The following DAB1 variants were observed in gnomAD, a reference collection of about 807,000 sequenced individuals.
DAB1 encodes the protein DAB adaptor protein 1.
Under a neutral mutation model 64.6 loss-of-function variants are expected in DAB1, and 15 were observed. That is an observed-to-expected ratio of 0.23 (90% CI 0.16 to 0.36). The LOEUF (loss-of-function observed/expected upper bound fraction) is 0.36. Ranked by LOEUF, DAB1 falls within the 10% of genes least tolerant of loss-of-function variation. The probability of loss-of-function intolerance (pLI) is 1.00; values close to 1 mark genes in which losing one functional copy is unlikely to be tolerated. For synonymous variants in DAB1, 235 were observed against 251.9 expected (o/e 0.93, Z 0.64); for missense variants, 596 against 706.7 (o/e 0.84, Z 1.78).
chr1:58,189,027 T>G (rs572907609), intron 4 of DAB1, among the ~76,000 whole-genome samples: 2 of 152,228 alleles, frequency 1.3e-5, no homozygotes, highest in Non-Finnish European at 2.9e-5. Context: ...GTTGTTTTTT[T>G]ACATGTCCAT....
At chr1:58,361,529 C>T (rs1221199079) in intron 3 of DAB1, among the ~76,000 whole-genome samples, 1 of 150,736 alleles carries the variant, frequency 6.6e-6, no homozygotes, top group Non-Finnish European at 1.5e-5. Context: ...TTTTTTAAAG[C>T]TGAATCTAGC....
At chr1:57,742,135 G>A (rs1225603769) in intron 6 of DAB1, among the ~76,000 whole-genome samples, 1 of 152,014 alleles carries the variant, frequency 6.6e-6, no homozygotes, top group Non-Finnish European at 1.5e-5. Flanking sequence ...TAGCCACTTG[G>A]AATACAAGGA....
At chr1:57,979,593 T>A (rs568284692) in intron 5 of DAB1, among the ~76,000 whole-genome samples, 2 of 152,194 alleles carry the variant, frequency 1.3e-5, no homozygotes, top group Admixed American at 6.5e-5. Flanking sequence ...ATAAATAAAA[T>A]AAAATAAGAA....
intron 1 of DAB1, among the ~76,000 whole-genome samples, chr1:57,361,884 G>C (rs1679580386): frequency 6.6e-6 from 1 of 152,050 alleles, no homozygotes; most frequent in Non-Finnish European, 1.5e-5. Flanking sequence ...CTAAGAGGAA[G>C]ACAAACAGGT....
At chr1:57,105,957 C>T (rs1655099618) in intron 4 of DAB1, among the ~76,000 whole-genome samples, 1 of 152,132 alleles carries the variant, frequency 6.6e-6, no homozygotes, top group African/African-American at 2.4e-5. Flanking sequence ...AGTCTGAATC[C>T]AGGCTTGGAT....
At chr1:58,126,580 A>C (rs1466749804) in intron 5 of DAB1, among the ~76,000 whole-genome samples, 1 of 151,098 alleles carries the variant, frequency 6.6e-6, no homozygotes, top group Non-Finnish European at 1.5e-5. Flanking sequence ...AGCATTAGGT[A>C]TATCTCCTGA....
Position 57,757,088 on chromosome 1 carries a change from T to C in DAB1, n.552-107423A>G, listed in dbSNP as rs1192375334. 2.0e-5 allele frequency among the ~76,000 whole-genome samples: 3 copies of C among 152,088 alleles called. No homozygotes were observed. The East Asian group carries it at 5.8e-4, about 29-fold the overall frequency. On this transcript the variant is annotated intron_variant and non_coding_transcript_variant, in intron 6 of 20. Coordinates refer to the DAB1 transcript ENST00000485760. ...CAAACTTTTAAGTGCTTAAGAATCA[T>C]CTGGGAATCTTGTAAAAATGCAGAT...
At chr1:57,183,999 A>G (rs752500486) in intron 2 of DAB1, among the ~76,000 whole-genome samples, 22 of 152,092 alleles carry the variant, frequency 1.4e-4, no homozygotes, top group Non-Finnish European at 3.1e-4. Flanking sequence ...TAACAGATCA[A>G]TTTTTCTAAC....
intron 6 of DAB1, among the ~76,000 whole-genome samples, chr1:57,779,414 G>A (rs960123783): frequency 3.3e-5 from 5 of 152,134 alleles, no homozygotes; most frequent in African/African-American, 1.2e-4. Context: ...ATTCTCAAGA[G>A]CTGCAGAGGC....
At chr1:57,195,206 T>C (rs146143381) in intron 2 of DAB1, among the ~76,000 whole-genome samples, 3 of 152,282 alleles carry the variant, frequency 2.0e-5, no homozygotes, top group African/African-American at 7.2e-5. Flanking sequence ...TTATGGAATC[T>C]AGTAGAAGTC....
At chr1:58,214,261 C>T (rs887567077) in intron 4 of DAB1, among the ~76,000 whole-genome samples, 1 of 152,164 alleles carries the variant, frequency 6.6e-6, no homozygotes, top group Non-Finnish European at 1.5e-5. Context: ...TTCATGAAGC[C>T]TCTGAACTAG....
At chr1:57,415,722 A>C (rs60825740) in intron 1 of DAB1, among the ~76,000 whole-genome samples, 1 of 152,186 alleles carries the variant, frequency 6.6e-6, no homozygotes, top group Non-Finnish European at 1.5e-5. Context: ...GTGAGTAGAC[A>C]TATAATACTG....
chr1:58,058,250 G>T (rs1648267203), intron 5 of DAB1, among the ~76,000 whole-genome samples: 1 of 152,098 alleles, frequency 6.6e-6, no homozygotes, highest in African/African-American at 2.4e-5. Flanking sequence ...ACACCAACTT[G>T]CTACCTTATG....
intron 2 of DAB1, among the ~76,000 whole-genome samples, chr1:57,201,885 TGC>T (rs1238182120): frequency 1.3e-5 from 2 of 152,138 alleles, no homozygotes; most frequent in Admixed American, 6.5e-5. Context: ...AATAAATGCA[TGC>T]ATGCATGCAT....
chr1:57,906,232 C>A (rs577485059), intron 5 of DAB1, among the ~76,000 whole-genome samples: 1 of 152,144 alleles, frequency 6.6e-6, no homozygotes. Flanking sequence ...AAAGAGTATA[C>A]GATAACCATA....
intron 6 of DAB1, among the ~76,000 whole-genome samples, chr1:57,745,991 T>A (rs6682311): frequency 5.3e-5 from 8 of 152,138 alleles, no homozygotes; most frequent in Middle Eastern, 6.8e-3. Flanking sequence ...ATTGTGCACA[T>A]TTTAAAATTC....
chr1:58,053,394 C>T (rs1472383402), intron 5 of DAB1, among the ~76,000 whole-genome samples: 1 of 152,140 alleles, frequency 6.6e-6, no homozygotes, highest in African/African-American at 2.4e-5. Context: ...CCCATGTGTG[C>T]AGAGATGGCA....
At chr1:57,894,120 G>A (rs990994795) in intron 5 of DAB1, among the ~76,000 whole-genome samples, 3 of 152,156 alleles carry the variant, frequency 2.0e-5, no homozygotes, top group South Asian at 2.1e-4. Flanking sequence ...GTATGCCAAC[G>A]TATAAGACCC....
chr1:58,404,868 C>T (rs1644602119), intron 3 of DAB1, among the ~76,000 whole-genome samples: 2 of 152,294 alleles, frequency 1.3e-5, no homozygotes, highest in South Asian at 4.2e-4. Context: ...CTCCTTCCTT[C>T]TTCCCTGTCT....
Sources: gnomAD v4.1 joint callset for allele counts (sites outside exome capture counted in the v4.1 genomes callset) on GRCh38, gnomAD v4.1.1 for gene constraint, MANE v1.5 for transcripts, NCBI Gene and HGNC (gene_info 2026-07-23, HGNC 2026-07-21) for gene names.